ITGAM: variants seen among roughly 807,000 people sequenced by gnomAD.
ITGAM encodes the protein integrin alpha-M.
Under a neutral mutation model 137.5 loss-of-function variants are expected in ITGAM, and 79 were observed. The observed-to-expected ratio is 0.57, with a 90% CI of 0.48 to 0.69. The LOEUF (loss-of-function observed/expected upper bound fraction) is 0.69, where lower values mean the gene tolerates loss of function less well. Ranked by LOEUF, ITGAM falls within the 30% of genes least tolerant of loss-of-function variation. The probability of loss-of-function intolerance (pLI) is 0.00; values close to 1 mark genes in which losing one functional copy is unlikely to be tolerated. For missense variants in ITGAM, 1,343 were observed against 1,483.5 expected (o/e 0.91, Z 1.56); for synonymous variants, 583 against 592.3 (o/e 0.98, Z 0.23).
chr16:31,301,166 T>A (rs1343746657), intron 14 of ITGAM, among the ~76,000 whole-genome samples: 1 of 152,210 alleles, frequency 6.6e-6, no homozygotes, highest in Non-Finnish European at 1.5e-5. Context: ...CCACCATCTT[T>A]CCAGCTTCTC....
intron 24 of ITGAM, among the ~76,000 whole-genome samples, chr16:31,329,535 T>C (rs1212068247): frequency 1.3e-5 from 2 of 152,118 alleles, no homozygotes; most frequent in African/African-American, 4.8e-5. Context: ...ACTGTCATGA[T>C]CCCCAGTTTA....
chr16:31,331,708 C>CGGCTCCT lies in ITGAM; in HGVS notation c.*2_*8dup. On this transcript the variant is annotated 3_prime_UTR_variant, in exon 30 of 30. Transcript: ENST00000544665. The stretch of plus-strand genomic sequence containing the variant: ...TCCCCCGGGGGCCGAACCCCAGTAG[C>CGGCTCCT]GGCTCCTTCCCGACAGAGCTGCCTC... 6.3e-7 allele frequency: 1 copy of CGGCTCCT among 1,597,576 alleles called. No homozygotes were observed. Among genetic ancestry groups the CGGCTCCT allele is most frequent in the Non-Finnish European group, 8.5e-7 (1 of 1,172,162 alleles).
chr16:31,284,507 G>C (rs1193093414), intron 12 of ITGAM, among the ~76,000 whole-genome samples: 1 of 152,180 alleles, frequency 6.6e-6, no homozygotes. Context: ...GGCTCCATGG[G>C]CGTGGGACCC....
rs1359623879 is a variant in ITGAM, at chr16:31,273,469, A to T, written c.809A>T (p.Asp270Val). 1.9e-6 allele frequency: 3 copies of T among 1,613,628 alleles called. No homozygotes were observed. The East Asian group carries it at 6.7e-5, about 36-fold the overall frequency. The part of the protein sequence containing the change: ...EKFGDPLGYE[D>V]VIPEADREGV... ...TTTGGCGATCCCTTGGGATATGAGG[A>T]TGTCATCCCTGAGGCAGACAGAGAG... Residue 270 changes from aspartate (D) to valine (V), a missense_variant, in exon 8 of 30, where the codon GAT (aspartate) becomes GTT (valine). By Grantham distance (152) the Asp-to-Val change is radical. Coordinates refer to ENST00000544665, the MANE Select transcript of ITGAM (RefSeq NM_000632.4).
intron 14 of ITGAM, among the ~76,000 whole-genome samples, chr16:31,318,036 C>A (rs1439805304): frequency 6.6e-6 from 1 of 152,062 alleles, no homozygotes; most frequent in African/African-American, 2.4e-5. Context: ...CCTGAGAAGC[C>A]ACCAGGTCCT....
In ITGAM at chr16:31,329,991, C is replaced by T. The variant is rs541991545; in HGVS notation, c.2976+86C>T. ...GCTATTGGGTTTTAGAGCCGCTCCG[C>T]CCCTCTCCTGGACCCAGGCCATCTC... On this transcript the variant is annotated intron_variant, in intron 25 of 29. Coordinates refer to ENST00000544665, the MANE Select transcript of ITGAM (RefSeq NM_000632.4). 34 of 1,537,814 alleles carry T rather than the reference C, an allele frequency of 2.2e-5. No homozygotes were observed. In the East Asian group the frequency reaches 7.9e-4, roughly 36 times the overall value.
chr16:31,320,528 AT>A (rs1234010059), intron 14 of ITGAM, among the ~76,000 whole-genome samples: 1 of 152,206 alleles, frequency 6.6e-6, no homozygotes, highest in African/African-American at 2.4e-5. Flanking sequence ...AAAAACAACA[AT>A]TTCCACATAC....
intron 14 of ITGAM, among the ~76,000 whole-genome samples, chr16:31,312,635 C>T (rs372863981): frequency 1.3e-5 from 2 of 152,196 alleles, no homozygotes; most frequent in African/African-American, 4.8e-5. Context: ...GTCTATGTTT[C>T]CCAGGCTGGT....
intron 5 of ITGAM, among the ~76,000 whole-genome samples, chr16:31,267,303 T>G (rs1388728885): frequency 1.3e-5 from 2 of 152,154 alleles, no homozygotes; most frequent in Non-Finnish European, 2.9e-5. Context: ...CCCTTGCATT[T>G]TTTTTCTTTC....
intron 16 of ITGAM, among the ~76,000 whole-genome samples, chr16:31,323,085 A>AGAATAGGAAAGATGGAATAGGATG (rs1424024761): frequency 2.6e-5 from 4 of 152,042 alleles, no homozygotes; most frequent in African/African-American, 9.7e-5. Context: ...TAGGAAAGAC[A>AGAATAGGAAAGATGGAATAGGATG]GAATAGGAAA....
intron 14 of ITGAM, among the ~76,000 whole-genome samples, chr16:31,303,513 T>C (rs1178949460): frequency 6.6e-6 from 1 of 152,162 alleles, no homozygotes; most frequent in Non-Finnish European, 1.5e-5. Flanking sequence ...CATGAATGAA[T>C]TCTATAGTGG....
At position 31,278,190 on chromosome 16, in the gene ITGAM, A is replaced by C. The variant is rs1413650863; in HGVS notation, c.1356+81A>C. 1.2e-5 allele frequency: 17 copies of C among 1,429,102 alleles called. No individual in the cohort carries two copies. In the Admixed American group the frequency reaches 3.7e-4, roughly 31 times the overall value. 88.5% of individuals were successfully genotyped at this position (1,429,102 alleles called of 1,614,324 possible). A position where few individuals can be genotyped will look rare whatever the true frequency, so the allele number is the denominator to read the frequency against. On this transcript the variant is annotated intron_variant, in intron 12 of 29. Coordinates refer to ENST00000544665, the MANE Select transcript of ITGAM (RefSeq NM_000632.4). ...AGATTCCAGGAGGGGCATTCAGATG[A>C]CATGCATGGCCCTCTTGTAAAGGAG... is the stretch of plus-strand genomic sequence containing the variant.
intron 14 of ITGAM, among the ~76,000 whole-genome samples, chr16:31,305,983 T>A (rs2080260809): frequency 6.6e-6 from 1 of 152,174 alleles, no homozygotes; most frequent in Non-Finnish European, 1.5e-5. Flanking sequence ...CTTTATAGAA[T>A]GATTTAGGGA....
At chr16:31,311,740 A>T (rs923743432) in intron 14 of ITGAM, among the ~76,000 whole-genome samples, 7 of 152,180 alleles carry the variant, frequency 4.6e-5, no homozygotes, top group African/African-American at 1.7e-4. Flanking sequence ...TTCCTCAGGG[A>T]TCTAGAACTG....
intron 12 of ITGAM, among the ~76,000 whole-genome samples, chr16:31,278,667 T>C (rs1266689759): frequency 6.6e-6 from 1 of 152,236 alleles, no homozygotes; most frequent in Non-Finnish European, 1.5e-5. Context: ...CAAAACTCTC[T>C]AGTCAAAATC....
At chr16:31,317,121 C>A (rs772991064) in intron 14 of ITGAM, among the ~76,000 whole-genome samples, 4 of 152,140 alleles carry the variant, frequency 2.6e-5, no homozygotes, top group Non-Finnish European at 5.9e-5. Flanking sequence ...CTGGCTAGGA[C>A]TTTCAGTACT....
chr16:31,316,997 G>A lies in ITGAM; in HGVS notation c.1708-4244G>A, dbSNP rs564153837. Among the ~76,000 whole-genome samples the A allele has an allele frequency of 2.0e-4, 31 of 152,166 alleles. No individual in the cohort carries two copies. In the South Asian group the frequency reaches 6.4e-3, roughly 32 times the overall value. ...TTAAATTTGATAACTTTTTCGTAGA[G>A]TATTTATAACAAGTTTCTTATATAT... On this transcript the variant is annotated intron_variant, in intron 14 of 29. Coordinates refer to ENST00000544665, the MANE Select transcript of ITGAM (RefSeq NM_000632.4).
At chr16:31,309,662 A>C (rs2080302646) in intron 14 of ITGAM, among the ~76,000 whole-genome samples, 1 of 152,140 alleles carries the variant, frequency 6.6e-6, no homozygotes, top group African/African-American at 2.4e-5. Context: ...ATTTAAGGTT[A>C]GTATTTTTAT....
intron 23 of ITGAM, among the ~76,000 whole-genome samples, chr16:31,328,847 CAT>C (rs1491461577): frequency 7.1e-6 from 1 of 140,632 alleles, no homozygotes; most frequent in East Asian, 2.2e-4. Flanking sequence ...TGTATTTGTG[CAT>C]GTGTGTGAGG....
Sources: gnomAD v4.1 joint callset for allele counts (sites outside exome capture counted in the v4.1 genomes callset) on GRCh38, gnomAD v4.1.1 for gene constraint, MANE v1.5 for transcripts, NCBI Gene and HGNC (gene_info 2026-07-23, HGNC 2026-07-21) for gene names.